LMTK3: variants seen among roughly 807,000 people sequenced by gnomAD.
The protein encoded by LMTK3 is serine/threonine-protein kinase LMTK3.
LMTK3 carries 27 observed loss-of-function variants against 116.7 expected under a neutral mutation model. The observed-to-expected ratio is 0.23, with a 90% confidence interval of 0.17 to 0.32. The LOEUF (loss-of-function observed/expected upper bound fraction) is 0.32, where lower values mean the gene tolerates loss of function less well. Ranked by LOEUF, LMTK3 falls within the 10% of genes least tolerant of loss-of-function variation. The pLI is 1.00. For synonymous variants in LMTK3, 965 were observed against 971.0 expected, an observed-to-expected ratio of 0.99 and a Z score of 0.11; for missense variants, 1,764 against 2,068.5, an observed-to-expected ratio of 0.85 and a Z score of 2.86.
intron 1 of LMTK3, 106 bp downstream of exon 1, chr19:48,511,395 G>A (rs1972656747): frequency 5.3e-6 from 2 of 380,186 alleles, no homozygotes; most frequent in East Asian, 4.7e-5. Flanking sequence ...GCGGGAAGAC[G>A]CGCACCAGGT....
At chr19:48,504,324 G>C (rs952606708) in intron 5 of LMTK3, among the ~76,000 whole-genome samples, 2 of 152,186 alleles carry the variant, frequency 1.3e-5, no homozygotes, top group African/African-American at 4.8e-5. Flanking sequence ...CTGTGGGAAA[G>C]AGTCAGACTC....
Position 48,485,411 on chromosome 19 carries a change from C to T in LMTK3, c.*362G>A, listed in dbSNP as rs1358264157. 5 of 223,330 alleles carry T rather than the reference C, an allele frequency of 2.2e-5. No individual in the cohort carries two copies. The highest frequency in any genetic ancestry group is 9.7e-5 in the East Asian group (1 of 10,290). The allele number at this position is 223,330 out of a possible 1,614,324, so 13.8% of individuals were successfully genotyped here. A position where few individuals can be genotyped will look rare whatever the true frequency, so the allele number is the denominator to read the frequency against. On this transcript the variant is annotated 3_prime_UTR_variant, in exon 15 of 15. Coordinates refer to ENST00000600059, the MANE Select transcript of LMTK3 (RefSeq NM_001388485.1). ...GGGGGGTCCGGGTCCCCGAAGCCTG[C>T]GGCCCCTGTCTTGGGCCAGGAGTGG...
chr19:48,509,170 A>G (rs189042005), intron 4 of LMTK3, among the ~76,000 whole-genome samples: 187 of 151,594 alleles, frequency 1.2e-3, no homozygotes, highest in African/African-American at 4.2e-3. Flanking sequence ...GACGGATGGA[A>G]GGATGGACAG....
At chr19:48,513,375 G>C (rs1268040347), upstream of LMTK3, 1 of 607,620 alleles carries the variant, frequency 1.6e-6, no homozygotes, top group Non-Finnish European at 3.0e-6. This position sits in a 1 kb window ranked among gnomAD's most constrained non-coding sequence, Gnocchi z 5.6. Context: ...CACAGCGCGG[G>C]GTAGTCACCT....
rs1197362730 is a variant in LMTK3, at chr19:48,508,945, C to T, written c.463G>A (p.Asp155Asn). The T allele has an allele frequency of 1.9e-6, 3 of 1,610,474 alleles. No individual in the cohort carries two copies. The highest frequency in any genetic ancestry group is 1.7e-6 in the Non-Finnish European group (2 of 1,178,186). ...GKVILGEIFS[D>N]YTPAQVVVKE... Reference sequence around the variant, plus strand: ...ACCACCACCTGGGCGGGGGTGTAGTCGGAGAAAATCTCTCCCAGGATCACC... The same window carrying T: ...ACCACCACCTGGGCGGGGGTGTAGTTGGAGAAAATCTCTCCCAGGATCACC... Residue 155 changes from aspartate (D) to asparagine (N), a missense_variant, in exon 5 of 15, where the codon GAC becomes AAC. Around this residue, in one of 7 missense-constraint regions of LMTK3, gnomAD observed 271 missense variants for 478.2 expected, o/e 0.57. Coordinates refer to ENST00000600059, the MANE Select transcript of LMTK3 (RefSeq NM_001388485.1).
rs750999088 is a variant in LMTK3 at position 48,508,814 on chromosome 19, T to G, written c.557+37A>C. 6 of 1,492,128 alleles carry G rather than the reference T, an allele frequency of 4.0e-6. No homozygotes were observed. In the South Asian group the frequency reaches 5.6e-5, roughly 14 times the overall value. 92.4% of individuals were successfully genotyped at this position (1,492,128 alleles called of 1,614,324 possible). A position where few individuals can be genotyped will look rare whatever the true frequency, so the allele number is the denominator to read the frequency against. On this transcript the variant is annotated intron_variant, in intron 5 of 14. Transcript: ENST00000600059. ...ACTCCTTCCACTCCTGAATGTCACC[T>G]CAACAAGGCACACACCCACTGAGAA...
At chr19:48,512,069 G>T (rs1238109803), upstream of LMTK3, among the ~76,000 whole-genome samples, 2 of 143,956 alleles carry the variant, frequency 1.4e-5, no homozygotes, top group South Asian at 2.4e-4. Flanking sequence ...GGGGGGCAGG[G>T]CCCACGGGTG....
chr19:48,498,789 A>C lies in LMTK3; in HGVS notation c.2280T>G (p.Pro760=). 2 of 185,574 alleles carry C rather than the reference A, an allele frequency of 1.1e-5. No individual in the cohort carries two copies. Among genetic ancestry groups the C allele is most frequent in the Non-Finnish European group, 1.4e-5 (2 of 144,492 alleles). 11.5% of individuals were successfully genotyped at this position (185,574 alleles called of 1,614,324 possible). A position where few individuals can be genotyped will look rare whatever the true frequency, so the allele number is the denominator to read the frequency against. Residue 760 remains proline (P), a synonymous_variant, in exon 11 of 15, where the codon CCT becomes CCG. Coordinates refer to ENST00000600059, the MANE Select transcript of LMTK3 (RefSeq NM_001388485.1). ...ACGCGGCCGGGTCCGCGGGGGCCCGAGGAGGTGGCGGCGGGGGGGGGGGAG... is the reference window on the plus strand; with the variant it reads ...ACGCGGCCGGGTCCGCGGGGGCCCGCGGAGGTGGCGGCGGGGGGGGGGGAG... ...PPAPPPPPPP[P]RAPADPAASP...
At chr19:48,490,965 G>A in intron 14 of LMTK3, 143 bp downstream of exon 14, 1 of 522,560 alleles carries the variant, frequency 1.9e-6, no homozygotes, top group Non-Finnish European at 3.0e-6. Context: ...GAGCTGGGTG[G>A]GGTGTCTGTT....
rs926820762 is a variant in LMTK3, at chr19:48,491,387, A to G, written c.4228+17T>C. ...CATGGCTCCCGCCCCCTCCCGCCCC[A>G]TAGGGCCCGTCCTCACCAAAGCCGC... On this transcript the variant is annotated intron_variant, in intron 13 of 14. Transcript: ENST00000600059. This position sits in a 1 kb window ranked among gnomAD's most constrained non-coding sequence, Gnocchi z 5.1. 2.9e-6 allele frequency: 3 copies of G among 1,045,910 alleles called. No homozygotes were observed. The highest frequency in any genetic ancestry group is 1.2e-4 in the Admixed American group (2 of 17,064). The allele number at this position is 1,045,910 out of a possible 1,614,324, so 64.8% of individuals were successfully genotyped here. A position where few individuals can be genotyped will look rare whatever the true frequency, so the allele number is the denominator to read the frequency against.
chr19:48,510,242 T>G (rs1972633770), intron 2 of LMTK3, 69 bp from the exon 3 acceptor site: 3 of 1,537,634 alleles, frequency 2.0e-6, no homozygotes, highest in Non-Finnish European at 2.7e-6. Context: ...GTCTTTCTCT[T>G]AAGTTTGTCT....
Position 48,497,593 on chromosome 19 carries a change from C to G in LMTK3, c.3476G>C (p.Arg1159Thr). Residue 1159 changes from arginine to threonine, a missense_variant, in exon 11 of 15, where the codon AGG becomes ACG. Coordinates refer to ENST00000600059, the MANE Select transcript of LMTK3 (RefSeq NM_001388485.1). The surrounding 1 kb of genome is among the most constrained non-coding windows in gnomAD (Gnocchi z 5.7). ...TCTCGGGGGCGCTGGCTCCAGCCTC[C>G]TCGGCTGTGCCTCCGGTGGCGGTGG... ...PLPPPPEAQP[R>T]RLEPAPPRAR... The G allele has an allele frequency of 3.0e-6, 4 of 1,323,796 alleles. No homozygotes were observed. Among genetic ancestry groups the G allele is most frequent in the Non-Finnish European group, 3.9e-6 (4 of 1,037,476 alleles). 82.0% of individuals were successfully genotyped at this position (1,323,796 alleles called of 1,614,324 possible). A position where few individuals can be genotyped will look rare whatever the true frequency, so the allele number is the denominator to read the frequency against.
At chr19:48,493,666 C>G (rs1386417693) in intron 12 of LMTK3, 28 bp downstream of exon 12, 2 of 1,547,366 alleles carry the variant, frequency 1.3e-6, no homozygotes, top group Non-Finnish European at 8.7e-7. Flanking sequence ...GCCGCGACCC[C>G]GAAACCGCGC....
At chr19:48,510,238 C>T in intron 2 of LMTK3, 65 bp from the exon 3 acceptor site, 1 of 1,552,324 alleles carries the variant, frequency 6.4e-7, no homozygotes, top group Non-Finnish European at 8.8e-7. Context: ...CATCGTCTTT[C>T]TCTTAAGTTT....
intron 14 of LMTK3, among the ~76,000 whole-genome samples, chr19:48,489,392 G>C (rs1180262384): frequency 6.6e-6 from 1 of 152,154 alleles, no homozygotes; most frequent in East Asian, 1.9e-4. Context: ...GTCCAACATG[G>C]TGAAACCCCG....
chr19:48,505,014 C>T (rs1362519501), intron 5 of LMTK3, among the ~76,000 whole-genome samples: 1 of 150,932 alleles, frequency 6.6e-6, no homozygotes, highest in Non-Finnish European at 1.5e-5. Context: ...TGGTCCTATC[C>T]AAGGTGGCCC....
Position 48,502,894 on chromosome 19 carries a change from C to A in LMTK3, c.645+15G>T. On this transcript the variant is annotated intron_variant, in intron 6 of 14. Coordinates refer to ENST00000600059, the MANE Select transcript of LMTK3 (RefSeq NM_001388485.1). ...CTGCCCCCTCTGCCCTTCCCCAACCCCCCAAGACCCTCACCAGTTGACAGA... is the reference window on the plus strand; with the variant it reads ...CTGCCCCCTCTGCCCTTCCCCAACCACCCAAGACCCTCACCAGTTGACAGA... 3 of 1,602,080 alleles carry A rather than the reference C, an allele frequency of 1.9e-6. No homozygotes were observed. Among genetic ancestry groups the A allele is most frequent in the African/African-American group, 1.3e-5 (1 of 74,826 alleles).
chr19:48,492,657 C>T (rs1489416865), intron 12 of LMTK3, among the ~76,000 whole-genome samples: 1 of 152,110 alleles, frequency 6.6e-6, no homozygotes, highest in African/African-American at 2.4e-5. Context: ...TGCTCCAACC[C>T]GAACCAGCCT....
At position 48,501,421 on chromosome 19, in the gene LMTK3, G is replaced by T. The variant is rs769246331; in HGVS notation, c.880-17C>A. ...GTAGTCCTCCTGAGGGAACCAGGGC[G>T]GTGTCAGGCGGGTCAGGGCACCCCA... On this transcript the variant is annotated splice_polypyrimidine_tract_variant and intron_variant, in intron 8 of 14. Coordinates refer to ENST00000600059, the MANE Select transcript of LMTK3 (RefSeq NM_001388485.1). 1.9e-6 allele frequency: 3 copies of T among 1,612,720 alleles called. No homozygotes were observed. The highest frequency in any genetic ancestry group is 2.5e-6 in the Non-Finnish European group (3 of 1,179,450).
Sources: gnomAD v4.1 joint callset for allele counts (sites outside exome capture counted in the v4.1 genomes callset) on GRCh38, gnomAD v4.1.1 for gene constraint, gnomAD v4.1.1 regional missense constraint, Gnocchi (gnomAD v3.1) non-coding constraint, MANE v1.5 for transcripts, NCBI Gene and HGNC (gene_info 2026-07-23, HGNC 2026-07-21) for gene names.